The following CDC45 variants were observed in gnomAD, a reference collection of about 807,000 sequenced individuals.
CDC45 encodes the protein cell division control protein 45 homolog.
A neutral mutation model predicts 77.8 loss-of-function variants in CDC45; 54 were observed. The observed-to-expected ratio is 0.69, with a 90% CI of 0.56 to 0.87. The LOEUF (loss-of-function observed/expected upper bound fraction) is 0.87, where lower values mean the gene tolerates loss of function less well. CDC45 is among the 40% of genes least tolerant of loss of function. CDC45 has a pLI of 0.00. For missense variants in CDC45, 649 were observed against 721.6 expected (o/e 0.90, Z 1.15); for synonymous variants, 260 against 272.1 (o/e 0.96, Z 0.44).
intron 5 of CDC45, among the ~76,000 whole-genome samples, chr22:19,484,797 C>T (rs2090039998): frequency 2.0e-5 from 3 of 152,142 alleles, no homozygotes; most frequent in Admixed American, 2.0e-4. Flanking sequence ...CTGAGGCATG[C>T]TTCTCTCTTC....
intron 3 of CDC45, among the ~76,000 whole-genome samples, chr22:19,482,322 A>G (rs1183024348): frequency 6.6e-6 from 1 of 152,266 alleles, no homozygotes; most frequent in Non-Finnish European, 1.5e-5. Context: ...AAAAACTTAA[A>G]CCTGTACGAT....
At chr22:19,518,566 C>A (rs977837310) in intron 17 of CDC45, among the ~76,000 whole-genome samples, 4 of 152,172 alleles carry the variant, frequency 2.6e-5, no homozygotes, top group African/African-American at 9.7e-5. Context: ...CGTGTTTGTC[C>A]AGGTCTGTAG....
At position 19,493,236 on chromosome 22, in the gene CDC45, T is replaced by TTG. The variant is rs1555874585; in HGVS notation, c.487-1090_487-1089insGT. On this transcript the variant is annotated intron_variant, in intron 5 of 18. Transcript: ENST00000263201. Reference sequence around the variant, plus strand: ...AGAGCAGCTTTTGTGGGTTTTTTTTTTTGTTGTTTTGTTTTGTTTTGTTTT... The same window carrying TTG: ...AGAGCAGCTTTTGTGGGTTTTTTTTTTGTTGTTGTTTTGTTTTGTTTTGTTTT... Among the ~76,000 whole-genome samples, 8 of 116,530 alleles carry TTG rather than the reference T, an allele frequency of 6.9e-5. 1 individual carries two copies. The highest frequency in any genetic ancestry group is 2.9e-4 in the African/African-American group (8 of 27,972). The allele number at this position is 116,530 out of a possible 152,430, so 76.4% of individuals were successfully genotyped here.
Position 19,505,436 on chromosome 22 carries a change from A to G in CDC45, c.779A>G (p.Glu260Gly). The G allele has an allele frequency of 6.2e-7, 1 of 1,614,128 alleles. No homozygotes were observed. The highest frequency in any genetic ancestry group is 8.5e-7 in the Non-Finnish European group (1 of 1,179,960). Residue 260 changes from glutamate (E) to glycine (G), a missense_variant, in exon 10 of 19, where the codon GAG becomes GGG. By Grantham distance (98) the Glu-to-Gly change is moderately conservative. Coordinates refer to ENST00000263201, the MANE Select transcript of CDC45 (RefSeq NM_003504.5). ...CACAACCACCGGAACGAGGATGAGG[A>G]GAACACACTCTCCGTGGACTGCACA... is the stretch of plus-strand genomic sequence containing the variant. ...SRHNHRNEDE[E>G]NTLSVDCTRI... is the part of the protein sequence containing the mutation.
Position 19,482,805 on chromosome 22 carries a change from T to A in CDC45, c.320T>A (p.Val107Asp). 1 of 1,614,140 alleles carries A rather than the reference T, an allele frequency of 6.2e-7. No individual in the cohort carries two copies. Among genetic ancestry groups the A allele is most frequent in the African/African-American group, 1.3e-5 (1 of 75,070 alleles). Residue 107 changes from valine (V) to aspartate (D), a missense_variant, in exon 4 of 19, where the codon GTC becomes GAC. Coordinates refer to ENST00000263201, the MANE Select transcript of CDC45 (RefSeq NM_003504.5). ...GACACCCATAGGCCAGTCAATGTCG[T>A]CAATGTATACAACGATACCCAGGTA... The part of the protein sequence containing the change: ...VCDTHRPVNV[V>D]NVYNDTQIKL...
intron 9 of CDC45, chr22:19,505,000 A>C: frequency 4.2e-6 from 1 of 237,390 alleles, no homozygotes; most frequent in African/African-American, 2.3e-5. Flanking sequence ...TGCCCTCATT[A>C]ATTTTGTAAA....
At chr22:19,506,856 T>A (rs1383786942) in intron 10 of CDC45, among the ~76,000 whole-genome samples, 1 of 149,726 alleles carries the variant, frequency 6.7e-6, no homozygotes, top group African/African-American at 2.5e-5. Flanking sequence ...ATGGCGTGAA[T>A]CCAGAAGGTG....
Position 19,480,984 on chromosome 22 carries a change from C to T in CDC45, c.143C>T (p.Thr48Met), listed in dbSNP as rs760531988. 28 of 1,613,312 alleles carry T rather than the reference C, an allele frequency of 1.7e-5. No individual in the cohort carries two copies. Among genetic ancestry groups the T allele is most frequent in the Non-Finnish European group, 2.3e-5 (27 of 1,179,578 alleles). The change falls in exon 3 of 19, where the codon ACG (threonine) becomes ATG (methionine). Residue 48 changes from threonine to methionine, a missense_variant. Thr to Met is a moderately conservative substitution (Grantham distance 81, BLOSUM62 -1). Transcript: ENST00000263201. ...ALFQCDHVQY[T>M]LVPVSGWQEL... ...TTCCAGTGTGACCACGTGCAATATA[C>T]GCTGGTTCCAGTTTCTGGGTGGCAA...
At chr22:19,479,548 C>G, upstream of CDC45, 1 of 566,742 alleles carries the variant, frequency 1.8e-6, no homozygotes, top group African/African-American at 1.9e-5. Context: ...AAACCTATTG[C>G]AAACGTAAAT....
chr22:19,512,351 T>C (rs1933563343), intron 13 of CDC45, among the ~76,000 whole-genome samples: 1 of 152,252 alleles, frequency 6.6e-6, no homozygotes, highest in Non-Finnish European at 1.5e-5. Context: ...TAGGTCTCAC[T>C]ACCTCTTGGC....
Position 19,507,455 on chromosome 22 carries a change from C to T in CDC45, c.894C>T (p.Ala298=), listed in dbSNP as rs141196987. Residue 298 remains alanine (A), a synonymous_variant, in exon 11 of 19, where the codon GCC becomes GCT. Transcript: ENST00000263201. ...TGTGCAACACCAGCTATACCGCAGC[C>T]AGGTTCAAGCTGTGGTCTGTGCATG... ...DSLCNTSYTA[A]RFKLWSVHGQ... 1.9e-4 allele frequency: 314 copies of T among 1,614,176 alleles called. No homozygotes were observed. The highest frequency in any genetic ancestry group is 2.6e-4 in the Non-Finnish European group (302 of 1,180,020).
chr22:19,489,439 A>C (rs1160781328), intron 5 of CDC45, among the ~76,000 whole-genome samples: 1 of 151,996 alleles, frequency 6.6e-6, no homozygotes, highest in African/African-American at 2.4e-5. Flanking sequence ...AGAGAGCTCC[A>C]TTTCTGTAAT....
At chr22:19,495,186 C>A (rs2090220966) in intron 6 of CDC45, among the ~76,000 whole-genome samples, 1 of 152,190 alleles carries the variant, frequency 6.6e-6, no homozygotes, top group Non-Finnish European at 1.5e-5. Context: ...GTTATACATA[C>A]TTGTGCATAT....
chr22:19,483,910 G>A lies in CDC45; in HGVS notation c.391G>A (p.Glu131Lys). 6.2e-7 allele frequency: 1 copy of A among 1,613,606 alleles called. No homozygotes were observed. The highest frequency in any genetic ancestry group is 8.5e-7 in the Non-Finnish European group (1 of 1,179,790). Residue 131 changes from glutamate (E) to lysine (K), a missense_variant, in exon 5 of 19, where the codon GAA (glutamate) becomes AAA (lysine). Coordinates refer to ENST00000263201, the MANE Select transcript of CDC45 (RefSeq NM_003504.5). ...TGATGACCTTGAAGTTCCCGCCTAT[G>A]AAGACATCTTCAGGGATGAAGAGGA... is the stretch of plus-strand genomic sequence containing the variant. ...QDDDLEVPAY[E>K]DIFRDEEEDE...
intron 5 of CDC45, among the ~76,000 whole-genome samples, chr22:19,488,078 A>G (rs1337333974): frequency 2.0e-5 from 3 of 152,218 alleles, no homozygotes; most frequent in Admixed American, 1.3e-4. Context: ...TACAGGTGCT[A>G]TAATATCGTG....
rs13447199 is a variant in CDC45, at chr22:19,482,392, G to A, written c.205-298G>A. ...GTGAGGTCTGGAGAGACCCAATCAC[G>A]TGCTCGAAGTCTTGGTCTGCTCCTC... On this transcript the variant is annotated intron_variant, in intron 3 of 18. Transcript: ENST00000263201. Among the ~76,000 whole-genome samples, 288 of 152,358 alleles carry A rather than the reference G, an allele frequency of 1.9e-3. 2 individuals carry two copies. Among genetic ancestry groups the A allele is most frequent in the Middle Eastern group, 0.014 (4 of 294 alleles).
rs1933347413 is a variant in CDC45 at position 19,508,694 on chromosome 22, A to G, written c.1217+3A>G. ...CAGGCTCTGGACAGCCTCTCCAGGT[A>G]GCAGGAGGGCTGTGGGTTTGCCTCA... On this transcript the variant is annotated splice_donor_region_variant and intron_variant, in intron 13 of 18. Coordinates refer to ENST00000263201, the MANE Select transcript of CDC45 (RefSeq NM_003504.5). The G allele has an allele frequency of 1.2e-6, 2 of 1,613,462 alleles. No individual in the cohort carries two copies. The highest frequency in any genetic ancestry group is 1.1e-5 in the South Asian group (1 of 91,034).
At chr22:19,490,363 G>T (rs5748233) in intron 5 of CDC45, among the ~76,000 whole-genome samples, 151,950 of 151,950 alleles carry the variant, frequency 1, 75,975 homozygotes, top group Non-Finnish European at 1. Context: ...TTTTTTTCTT[G>T]TTCTTTGTTA....
intron 3 of CDC45, among the ~76,000 whole-genome samples, chr22:19,481,696 G>C (rs1482839101): frequency 2.0e-5 from 3 of 151,912 alleles, no homozygotes; most frequent in Admixed American, 1.3e-4. Context: ...TTTTGAGACG[G>C]AACCTCGCTT....
Sources: allele counts gnomAD v4.1 joint callset (sites outside exome capture counted in the v4.1 genomes callset), GRCh38; gene constraint gnomAD v4.1.1; transcripts MANE v1.5; gene names NCBI Gene and HGNC (gene_info 2026-07-23, HGNC 2026-07-21).